Variants in OLFM2 observed in about 807,000 individuals in gnomAD.
OLFM2 encodes olfactomedin 2.
In OLFM2, 20 loss-of-function variants were observed where a neutral mutation model predicts 43.9. That is an observed-to-expected ratio of 0.46 (90% CI 0.32 to 0.66). OLFM2 has a LOEUF of 0.66. Ranked by LOEUF, OLFM2 falls within the 30% of genes least tolerant of loss-of-function variation. The pLI, the probability that OLFM2 is intolerant of heterozygous loss-of-function variation, is 0.04. For missense variants in OLFM2, 416 were observed against 643.6 expected (o/e 0.65, Z 3.83); for synonymous variants, 268 against 278.6 (o/e 0.96, Z 0.38).
chr19:9,857,579 G>C lies in OLFM2; in HGVS notation c.361-97C>G. ...ACTCATAACTTCACCCTTTGTCTTT[G>C]ATGCACACCTGGCCCTTGACATGTG... On this transcript the variant is annotated intron_variant, in intron 3 of 5. Coordinates refer to ENST00000264833, the MANE Select transcript of OLFM2 (RefSeq NM_058164.4). The surrounding 1 kb of genome is among the most constrained non-coding windows in gnomAD (Gnocchi z 5.7). The C allele has an allele frequency of 6.4e-7, 1 of 1,555,142 alleles. No homozygotes were observed. Among genetic ancestry groups the C allele is most frequent in the East Asian group, 2.3e-5 (1 of 44,194 alleles).
intron 1 of OLFM2, among the ~76,000 whole-genome samples, chr19:9,931,994 C>T (rs2086485593): frequency 2.0e-5 from 3 of 152,126 alleles, no homozygotes. Flanking sequence ...TCCATCCATC[C>T]ATCCATTCAT....
At chr19:9,908,543 A>G (rs1474793809) in intron 1 of OLFM2, among the ~76,000 whole-genome samples, 2 of 135,140 alleles carry the variant, frequency 1.5e-5, no homozygotes, top group African/African-American at 2.9e-5. Context: ...CAGTGATGCA[A>G]TCTCGGCTCA....
intron 1 of OLFM2, among the ~76,000 whole-genome samples, chr19:9,896,932 C>T (rs2046690305): frequency 1.3e-5 from 2 of 152,140 alleles, no homozygotes; most frequent in Non-Finnish European, 2.9e-5. Flanking sequence ...TGGCTCACAC[C>T]TATAATCCTA....
At chr19:9,887,884 T>TA (rs1182707018) in intron 1 of OLFM2, among the ~76,000 whole-genome samples, 1 of 151,966 alleles carries the variant, frequency 6.6e-6, no homozygotes, top group Non-Finnish European at 1.5e-5. Context: ...AATTAAAAAA[T>TA]AAGCCGGAAG....
chr19:9,888,893 C>T (rs1034590049), intron 1 of OLFM2, among the ~76,000 whole-genome samples: 4 of 151,932 alleles, frequency 2.6e-5, no homozygotes, highest in African/African-American at 9.7e-5. Context: ...GGTGAAACCC[C>T]GTCTCTACTA....
chr19:9,858,234 C>T, intron 2 of OLFM2: 1 of 352,210 alleles, frequency 2.8e-6, no homozygotes, highest in South Asian at 2.3e-5. Context: ...TGCCCACCCC[C>T]CCCGCCCAAC....
At chr19:9,923,557 GAA>G (rs796943036) in intron 1 of OLFM2, among the ~76,000 whole-genome samples, 1 of 78,238 alleles carries the variant, frequency 1.3e-5, no homozygotes, top group Non-Finnish European at 2.5e-5. Flanking sequence ...ACTGTCTCAG[GAA>G]AAAAAAAAAA....
At chr19:9,867,354 G>C (rs528189918) in intron 1 of OLFM2, among the ~76,000 whole-genome samples, 1 of 152,278 alleles carries the variant, frequency 6.6e-6, no homozygotes, top group African/African-American at 2.4e-5. Flanking sequence ...CTGGGCAATA[G>C]AGCGAGACCC....
chr19:9,925,465 T>C (rs1352309478), intron 1 of OLFM2, among the ~76,000 whole-genome samples: 1 of 152,042 alleles, frequency 6.6e-6, no homozygotes, highest in East Asian at 1.9e-4. Context: ...AGCAATACTT[T>C]TTCTTTTTTG....
chr19:9,890,529 A>G (rs1199111266), intron 1 of OLFM2, among the ~76,000 whole-genome samples: 3 of 152,232 alleles, frequency 2.0e-5, no homozygotes, highest in Admixed American at 1.3e-4. Flanking sequence ...AGTCAACAGA[A>G]CTGTTGACAC....
chr19:9,919,435 G>A (rs371299141), intron 1 of OLFM2, among the ~76,000 whole-genome samples: 4 of 151,282 alleles, frequency 2.6e-5, no homozygotes, highest in Non-Finnish European at 4.4e-5. Flanking sequence ...CAAAGTGCTG[G>A]GATTTACAGG....
chr19:9,930,550 C>T (rs1191955404), intron 1 of OLFM2, among the ~76,000 whole-genome samples: 4 of 150,960 alleles, frequency 2.6e-5, no homozygotes, highest in African/African-American at 7.3e-5. Context: ...AACAAGACCC[C>T]GTCTTAGAAA....
At chr19:9,902,036 A>G (rs2046744675) in intron 1 of OLFM2, among the ~76,000 whole-genome samples, 1 of 151,892 alleles carries the variant, frequency 6.6e-6, no homozygotes. Flanking sequence ...CTATATATAT[A>G]TATATATTTC....
chr19:9,853,771 TAAA>T lies in OLFM2; in HGVS notation c.*412_*414del, dbSNP rs1020647475. ...GCAAACCGGAAAGAAAAAGTGTAAA[TAAA>T]AAAAGAAACAGATCCATGCACTCAA... On this transcript the variant is annotated 3_prime_UTR_variant, in exon 6 of 6. Coordinates refer to ENST00000264833, the MANE Select transcript of OLFM2 (RefSeq NM_058164.4). 1 of 266,670 alleles carries T rather than the reference TAAA, an allele frequency of 3.7e-6. No homozygotes were observed. The highest frequency in any genetic ancestry group is 3.1e-5 in the African/African-American group (1 of 32,726). 16.5% of individuals were successfully genotyped at this position (266,670 alleles called of 1,614,324 possible).
chr19:9,894,290 AC>A (rs1457732613), intron 1 of OLFM2, among the ~76,000 whole-genome samples: 7 of 151,234 alleles, frequency 4.6e-5, no homozygotes, highest in Non-Finnish European at 8.8e-5. Context: ...ACCTGCTGTC[AC>A]CTGAGCCCAG....
chr19:9,886,815 G>A (rs2046591637), intron 1 of OLFM2, among the ~76,000 whole-genome samples: 1 of 151,986 alleles, frequency 6.6e-6, no homozygotes, highest in South Asian at 2.1e-4. Flanking sequence ...CTCCCAAGTA[G>A]CTGGGATTAC....
chr19:9,900,650 G>A (rs2046723620), intron 1 of OLFM2, among the ~76,000 whole-genome samples: 1 of 151,862 alleles, frequency 6.6e-6, no homozygotes, highest in Admixed American at 6.6e-5. Flanking sequence ...AAGCGCTTCG[G>A]GTGGCTGAGG....
Position 9,923,576 on chromosome 19 carries a change from AAAAG to A in OLFM2, c.63+12724_63+12727del, listed in dbSNP as rs1223928278. Among the ~76,000 whole-genome samples, 327 of 150,800 alleles carry A rather than the reference AAAAG, an allele frequency of 2.2e-3. 1 individual carries two copies. The highest frequency in any genetic ancestry group is 6.5e-3 in the African/African-American group (266 of 41,112). On this transcript the variant is annotated intron_variant, in intron 1 of 5. Transcript: ENST00000264833. The stretch of plus-strand genomic sequence containing the variant: ...TCTCAGGAAAAAAAAAAAAAGAAAG[AAAAG>A]AAAGAAAGAAAGAAGGAAAGAAAGG...
chr19:9,919,687 G>A (rs528127694), intron 1 of OLFM2, among the ~76,000 whole-genome samples: 35 of 146,892 alleles, frequency 2.4e-4, no homozygotes, highest in Non-Finnish European at 3.0e-5. Flanking sequence ...TTGCCACATT[G>A]GCCAGGCTGG....
Sources: gnomAD v4.1 joint callset for allele counts (sites outside exome capture counted in the v4.1 genomes callset) on GRCh38, gnomAD v4.1.1 for gene constraint, Gnocchi (gnomAD v3.1) non-coding constraint, MANE v1.5 for transcripts, NCBI Gene and HGNC (gene_info 2026-07-23, HGNC 2026-07-21) for gene names.